Variants in PRDM5 observed in about 807,000 individuals in gnomAD.
PRDM5 encodes PR/SET domain 5, also known as PR domain zinc finger protein 5.
Under a neutral mutation model 81.2 loss-of-function variants are expected in PRDM5, and 56 were observed. That is an observed-to-expected ratio of 0.69 (90% CI 0.56 to 0.86). The LOEUF is 0.86. Ranked by LOEUF, PRDM5 falls within the 40% of genes least tolerant of loss-of-function variation. The pLI, the probability that PRDM5 is intolerant of heterozygous loss-of-function variation, is 0.00. For synonymous variants in PRDM5, 267 were observed against 256.4 expected, an observed-to-expected ratio of 1.04 and a Z score of -0.39; for missense variants, 697 against 770.1, an observed-to-expected ratio of 0.91 and a Z score of 1.12.
At position 120,741,856 on chromosome 4, in the gene PRDM5, T is replaced by C. The variant is rs548228745; in HGVS notation, c.1623+12697A>G. On this transcript the variant is annotated intron_variant, in intron 14 of 15. Coordinates refer to ENST00000264808, the MANE Select transcript of PRDM5 (RefSeq NM_018699.4). ...GGCAGCAGCGAGGCTGGGGGAGGGG[T>C]GCCCACCATTGCCCAGGCTTGCTTA... 5.3e-5 allele frequency among the ~76,000 whole-genome samples: 8 copies of C among 151,820 alleles called. No individual in the cohort carries two copies. The East Asian group carries it at 9.8e-4, about 19-fold the overall frequency.
intron 2 of PRDM5, among the ~76,000 whole-genome samples, chr4:120,870,547 C>A (rs778129142): frequency 4.6e-5 from 7 of 151,822 alleles, no homozygotes; most frequent in African/African-American, 1.7e-4. Flanking sequence ...AGGGAGAGGC[C>A]CCTAAGCCAG....
chr4:120,863,850 G>A (rs1760908316), intron 2 of PRDM5, among the ~76,000 whole-genome samples: 1 of 152,206 alleles, frequency 6.6e-6, no homozygotes, highest in Non-Finnish European at 1.5e-5. Flanking sequence ...ATTTTGTGTG[G>A]AGGAGACATA....
rs151140100 is a variant in PRDM5, at chr4:120,859,431, C to T, written c.178-5891G>A. 3.3e-3 allele frequency among the ~76,000 whole-genome samples: 499 copies of T among 152,084 alleles called. 3 individuals are homozygous for T. Among genetic ancestry groups the T allele is most frequent in the African/African-American group, 0.012 (487 of 41,498 alleles). On this transcript the variant is annotated intron_variant, in intron 2 of 15. Coordinates refer to ENST00000264808, the MANE Select transcript of PRDM5 (RefSeq NM_018699.4). ...ATAAAGACAGGGTTTCCCTATATTGCCCAGGCTGGTCTCGAATTCTTGGGC... is the reference window on the plus strand; with the variant it reads ...ATAAAGACAGGGTTTCCCTATATTGTCCAGGCTGGTCTCGAATTCTTGGGC...
Position 120,699,155 on chromosome 4 carries a change from AATATAAATATATATAT to A in PRDM5, c.1729-3896_1729-3881del, listed in dbSNP as rs1243087843. Among the ~76,000 whole-genome samples the A allele has an allele frequency of 9.4e-4, 84 of 89,562 alleles. 2 individuals carry two copies. Among genetic ancestry groups the A allele is most frequent in the South Asian group, 3.2e-3 (8 of 2,462 alleles). The allele number at this position is 89,562 out of a possible 152,430, so 58.8% of individuals were successfully genotyped here. On this transcript the variant is annotated intron_variant, in intron 15 of 15. Transcript: ENST00000264808. Reference sequence around the variant, plus strand: ...AACAAATGTATAGGCAATTATAGGAAATATAAATATATATATATATATATATATATATATATATATA... The same window carrying A: ...AACAAATGTATAGGCAATTATAGGAAATATATATATATATATATATATATA...
chr4:120,798,509 C>A, intron 9 of PRDM5, 85 bp from the exon 10 acceptor site: 2 of 1,254,404 alleles, frequency 1.6e-6, no homozygotes, highest in Non-Finnish European at 2.2e-6. Flanking sequence ...TATATTACTT[C>A]TTACGGTAAG....
intron 1 of PRDM5, among the ~76,000 whole-genome samples, chr4:120,685,522 C>T (rs1345205486): frequency 9.2e-5 from 14 of 152,070 alleles, no homozygotes; most frequent in Admixed American, 8.5e-4. Context: ...ATCAATTTGG[C>T]TCATGACTAT....
At chr4:120,861,606 T>C (rs1034238620) in intron 2 of PRDM5, among the ~76,000 whole-genome samples, 7 of 152,004 alleles carry the variant, frequency 4.6e-5, no homozygotes, top group African/African-American at 1.7e-4. Flanking sequence ...GAGACCAGCC[T>C]GGCCAACATG....
chr4:120,687,351 T>G (rs1288617396), downstream of PRDM5, among the ~76,000 whole-genome samples: 1 of 152,106 alleles, frequency 6.6e-6, no homozygotes, highest in Non-Finnish European at 1.5e-5. Context: ...TTTGGCTACT[T>G]TAGATACCTC....
intron 14 of PRDM5, among the ~76,000 whole-genome samples, chr4:120,754,158 A>T (rs1744388792): frequency 6.6e-6 from 1 of 152,328 alleles, no homozygotes; most frequent in South Asian, 2.1e-4. Flanking sequence ...ATACTTGCTC[A>T]TCAGTATTAC....
At chr4:120,792,885 G>A (rs767063102) in intron 10 of PRDM5, among the ~76,000 whole-genome samples, 53 of 152,004 alleles carry the variant, frequency 3.5e-4, no homozygotes, top group Non-Finnish European at 5.7e-4. Context: ...AGGGTAGAAC[G>A]GTGGTTGCCA....
chr4:120,686,573 A>G (rs1733840989), intron 1 of PRDM5, among the ~76,000 whole-genome samples: 1 of 152,084 alleles, frequency 6.6e-6, no homozygotes, highest in South Asian at 2.1e-4. Flanking sequence ...ACAATCCAGG[A>G]AACTAGCTAA....
chr4:120,811,527 TG>T, intron 7 of PRDM5, 78 bp from the exon 8 acceptor site: 1 of 858,638 alleles, frequency 1.2e-6, no homozygotes, highest in East Asian at 2.6e-5. Flanking sequence ...CGAGGTGATA[TG>T]TAAGTTCATC....
At chr4:120,778,184 A>G (rs1346415604) in intron 12 of PRDM5, among the ~76,000 whole-genome samples, 1 of 152,110 alleles carries the variant, frequency 6.6e-6, no homozygotes, top group East Asian at 1.9e-4. Flanking sequence ...TTTCAATGTA[A>G]CCTAAAAATT....
rs186479116 is a variant in PRDM5, at chr4:120,760,764, A to C, written c.1538-6126T>G. 2.0e-5 allele frequency among the ~76,000 whole-genome samples: 3 copies of C among 151,800 alleles called. No individual in the cohort carries two copies. In the East Asian group the frequency reaches 5.8e-4, roughly 29 times the overall value. On this transcript the variant is annotated intron_variant, in intron 13 of 15. Transcript: ENST00000264808. ...TTAAATAGACTTTTTTTTTTTTAGC[A>C]CATACCATCTTCTAGTTACTGTCCT... is the stretch of plus-strand genomic sequence containing the variant.
intron 1 of PRDM5, among the ~76,000 whole-genome samples, chr4:120,918,782 T>C (rs907965403): frequency 1.3e-5 from 2 of 152,082 alleles, no homozygotes. Flanking sequence ...GAGGCAACTG[T>C]GAGCTGCAAG....
In PRDM5 at chr4:120,922,593, C is replaced by G. The variant is rs757434338; in HGVS notation, c.16G>C (p.Val6Leu). Residue 6 changes from valine (V) to leucine (L), a missense_variant, in exon 1 of 16, where the codon GTG becomes CTG. Physicochemically the swap from Val to Leu is conservative, Grantham distance 32. Around this residue, in one of 3 missense-constraint regions of PRDM5, gnomAD observed 577 missense variants for 606.7 expected, o/e 0.95. Transcript: ENST00000264808. Reference protein sequence around the residue: MLGMYVPDRFSLKSSR... With the variant: MLGMYLPDRFSLKSSR... ...GACTTCAGGGAGAACCTGTCCGGCACGTACATGCCCAGCATTTTCCCGGGC... is the reference window on the plus strand; with the variant it reads ...GACTTCAGGGAGAACCTGTCCGGCAGGTACATGCCCAGCATTTTCCCGGGC... The G allele has an allele frequency of 6.2e-7, 1 of 1,608,442 alleles. No individual in the cohort carries two copies. The highest frequency in any genetic ancestry group is 8.5e-7 in the Non-Finnish European group (1 of 1,178,220).
chr4:120,782,903 C>T (rs1749244921), intron 11 of PRDM5, among the ~76,000 whole-genome samples: 1 of 152,072 alleles, frequency 6.6e-6, no homozygotes, highest in African/African-American at 2.4e-5. Flanking sequence ...TACAAAATCT[C>T]ATCAAGCTAT....
At chr4:120,877,529 G>T (rs1762433231) in intron 2 of PRDM5, among the ~76,000 whole-genome samples, 2 of 152,356 alleles carry the variant, frequency 1.3e-5, no homozygotes, top group African/African-American at 4.8e-5. Flanking sequence ...ACGGGGCCGG[G>T]TGCGGTGGCT....
intron 2 of PRDM5, among the ~76,000 whole-genome samples, chr4:120,859,520 C>G (rs1369539902): frequency 3.3e-5 from 5 of 152,106 alleles, no homozygotes; most frequent in Admixed American, 3.3e-4. Flanking sequence ...TGTTCACACC[C>G]AGCCATGTCA....
Sources: allele counts gnomAD v4.1 joint callset (sites outside exome capture counted in the v4.1 genomes callset), GRCh38; gene constraint gnomAD v4.1.1; regional missense constraint gnomAD v4.1.1; transcripts MANE v1.5; gene names NCBI Gene and HGNC (gene_info 2026-07-23, HGNC 2026-07-21).